The following LARGE1 variants were observed in gnomAD, a reference collection of about 807,000 sequenced individuals.
The protein encoded by LARGE1 is LARGE xylosyl- and glucuronyltransferase 1.
A neutral mutation model predicts 87.6 loss-of-function variants in LARGE1; 43 were observed. The observed-to-expected ratio is 0.49, with a 90% CI of 0.38 to 0.63. The LOEUF is 0.63. LARGE1 is among the 30% of genes least tolerant of loss of function. LARGE1 has a pLI of 0.00. For synonymous variants in LARGE1, 434 were observed against 394.6 expected (o/e 1.10, Z -1.18); for missense variants, 802 against 1,000.2 (o/e 0.80, Z 2.67).
chr22:33,896,224 C>T (rs1387827958), intron 1 of LARGE1, among the ~76,000 whole-genome samples: 2 of 152,234 alleles, frequency 1.3e-5, no homozygotes, highest in African/African-American at 4.8e-5. Flanking sequence ...AACTCAGCAT[C>T]ATGTCCTCAA....
intron 1 of LARGE1, among the ~76,000 whole-genome samples, chr22:33,855,557 C>T (rs1030522293): frequency 1.3e-5 from 2 of 152,126 alleles, no homozygotes; most frequent in African/African-American, 4.8e-5. Flanking sequence ...GTTTCAGAAC[C>T]CAAATGCCAC....
chr22:33,071,932 TTC>T, the LARGE1 span, among the ~76,000 whole-genome samples: 1 of 152,192 alleles, frequency 6.6e-6, no homozygotes, highest in Non-Finnish European at 1.5e-5. Context: ...AGCCTCTGGA[TTC>T]TCTGTTCTGG....
At chr22:33,688,675 C>A (rs2082011701) in intron 2 of LARGE1, among the ~76,000 whole-genome samples, 1 of 152,010 alleles carries the variant, frequency 6.6e-6, no homozygotes, top group South Asian at 2.1e-4. Flanking sequence ...ACTCAGACTT[C>A]CAAAAGTCAT....
chr22:33,072,475 T>C, the LARGE1 span, among the ~76,000 whole-genome samples: 2 of 152,032 alleles, frequency 1.3e-5, no homozygotes, highest in Admixed American at 1.3e-4. Flanking sequence ...AGACAATAGA[T>C]AGTTGTGATT....
At chr22:33,453,937 C>A (rs1368844710) in intron 6 of LARGE1, among the ~76,000 whole-genome samples, 2 of 152,158 alleles carry the variant, frequency 1.3e-5, no homozygotes, top group Non-Finnish European at 2.9e-5. Context: ...ATTGAGATAA[C>A]ACAAAGGATC....
intron 1 of LARGE1, among the ~76,000 whole-genome samples, chr22:33,830,561 G>A (rs2062936112): frequency 6.6e-6 from 1 of 152,204 alleles, no homozygotes; most frequent in Non-Finnish European, 1.5e-5. Context: ...CCTCAAGGGT[G>A]AAATGAGGAT....
At chr22:33,408,584 C>A (rs2066187155) in intron 7 of LARGE1, among the ~76,000 whole-genome samples, 1 of 152,050 alleles carries the variant, frequency 6.6e-6, no homozygotes, top group African/African-American at 2.4e-5. Flanking sequence ...TTTCATACAG[C>A]CATAGACAAA....
chr22:33,545,144 CTCTAAA>C (rs2077320092), intron 6 of LARGE1, among the ~76,000 whole-genome samples: 1 of 152,172 alleles, frequency 6.6e-6, no homozygotes, highest in South Asian at 2.1e-4. Flanking sequence ...CATTCTCTCA[CTCTAAA>C]TCTGCGCTTC....
intron 7 of LARGE1, among the ~76,000 whole-genome samples, chr22:33,430,569 G>T (rs2067043269): frequency 6.6e-6 from 1 of 152,220 alleles, no homozygotes; most frequent in Admixed American, 6.5e-5. Context: ...ACCTCTGTTT[G>T]CCTGGTAGGC....
intron 10 of LARGE1, among the ~76,000 whole-genome samples, chr22:33,316,846 T>A (rs879786206): frequency 1.3e-5 from 2 of 152,146 alleles, no homozygotes; most frequent in Non-Finnish European, 2.9e-5. Context: ...GAAAAACATA[T>A]AACCAACCAT....
At chr22:33,488,950 T>G (rs2069704485) in intron 6 of LARGE1, among the ~76,000 whole-genome samples, 1 of 152,208 alleles carries the variant, frequency 6.6e-6, no homozygotes, top group South Asian at 2.1e-4. Flanking sequence ...ATCAAAGTCT[T>G]TGTCATGACA....
intron 6 of LARGE1, among the ~76,000 whole-genome samples, chr22:33,521,883 A>AT (rs1222123762): frequency 6.6e-6 from 1 of 152,240 alleles, no homozygotes; most frequent in Non-Finnish European, 1.5e-5. Flanking sequence ...TATACAAAGC[A>AT]TAGCGCCTGC....
intron 2 of LARGE1, among the ~76,000 whole-genome samples, chr22:33,672,590 G>A (rs2267252): frequency 0.52 from 79,085 of 151,720 alleles, 21,117 homozygotes; most frequent in African/African-American, 0.64. Context: ...AATTTGGGTG[G>A]GGAAGTAAGT....
chr22:33,105,304 C>T, the LARGE1 span: 1 of 152,164 alleles, frequency 6.6e-6, no homozygotes, highest in Non-Finnish European at 1.5e-5. Flanking sequence ...CTGGCCTCGA[C>T]TTGTTCTTTC....
chr22:33,336,864 A>G (rs1938510462), intron 10 of LARGE1, among the ~76,000 whole-genome samples: 2 of 152,052 alleles, frequency 1.3e-5, no homozygotes, highest in South Asian at 4.2e-4. Flanking sequence ...GATCGAGACC[A>G]TCCTGGCTAA....
At chr22:33,563,072 T>A (rs1458223055) in intron 6 of LARGE1, 1 of 152,450 alleles carries the variant, frequency 6.6e-6, no homozygotes, top group Non-Finnish European at 1.5e-5. Context: ...AGCCATTCCG[T>A]GATGTGGGGT....
At chr22:33,638,629 A>C (rs778910267) in intron 3 of LARGE1, among the ~76,000 whole-genome samples, 1 of 152,236 alleles carries the variant, frequency 6.6e-6, no homozygotes, top group Non-Finnish European at 1.5e-5. Flanking sequence ...CAAACTGCCT[A>C]GGTTTAATCC....
intron 11 of LARGE1, among the ~76,000 whole-genome samples, chr22:33,241,821 G>C (rs552317536): frequency 3.3e-5 from 5 of 152,228 alleles, no homozygotes; most frequent in African/African-American, 9.6e-5. Context: ...TACAAGTAGA[G>C]AGTAGGATGA....
intron 1 of LARGE1, among the ~76,000 whole-genome samples, chr22:33,882,029 GTT>G (rs1279760365): frequency 2.4e-3 from 328 of 137,354 alleles, no homozygotes; most frequent in African/African-American, 9.0e-3. Flanking sequence ...GGGTTTTTTT[GTT>G]TTTGTTTTTT....
Sources: gnomAD v4.1 joint callset for allele counts (sites outside exome capture counted in the v4.1 genomes callset) on GRCh38, gnomAD v4.1.1 for gene constraint, MANE v1.5 for transcripts, NCBI Gene and HGNC (gene_info 2026-07-23, HGNC 2026-07-21) for gene names.